Variants in ZNF385D observed in about 807,000 individuals in gnomAD.
ZNF385D encodes the protein zinc finger protein 385D.
In ZNF385D, 15 loss-of-function variants were observed where a neutral mutation model predicts 35.8. The observed-to-expected ratio is 0.42, with a 90% CI of 0.28 to 0.64. The LOEUF (loss-of-function observed/expected upper bound fraction) is 0.64, where lower values mean the gene tolerates loss of function less well. Ranked by LOEUF, ZNF385D falls within the 30% of genes least tolerant of loss-of-function variation. The pLI, the probability that ZNF385D is intolerant of heterozygous loss-of-function variation, is 0.23. For missense variants in ZNF385D, 474 were observed against 494.6 expected, an observed-to-expected ratio of 0.96 and a Z score of 0.39; for synonymous variants, 212 against 186.8, an observed-to-expected ratio of 1.13 and a Z score of -1.10.
intron 1 of ZNF385D, among the ~76,000 whole-genome samples, chr3:21,743,028 C>G (rs56411863): frequency 0.081 from 12,351 of 152,160 alleles, 814 homozygotes; most frequent in East Asian, 0.24. Flanking sequence ...CAAATAGAAC[C>G]GTGAGAAACA....
chr3:21,867,486 T>C (rs1327438126), intron 3 of ZNF385D, among the ~76,000 whole-genome samples: 1 of 152,144 alleles, frequency 6.6e-6, no homozygotes, highest in Non-Finnish European at 1.5e-5. Flanking sequence ...CAGGTTCTCC[T>C]GCTCTCTACC....
At chr3:21,814,030 A>G (rs9840405) in intron 3 of ZNF385D, among the ~76,000 whole-genome samples, 47,726 of 152,112 alleles carry the variant, frequency 0.31, 8,398 homozygotes, top group Non-Finnish European at 0.4. Flanking sequence ...AAGCCAGAAG[A>G]GAGTGGGGGC....
At chr3:21,597,479 T>C (rs965449489) in intron 2 of ZNF385D, among the ~76,000 whole-genome samples, 7 of 151,954 alleles carry the variant, frequency 4.6e-5, no homozygotes, top group Admixed American at 1.3e-4. Flanking sequence ...TGAAATGGCA[T>C]AGGAATTTAT....
intron 2 of ZNF385D, among the ~76,000 whole-genome samples, chr3:22,206,226 A>G (rs1048061316): frequency 5.3e-5 from 8 of 152,048 alleles, no homozygotes; most frequent in Non-Finnish European, 7.4e-5. Flanking sequence ...TATGAAGAGG[A>G]TACAACAATT....
intron 2 of ZNF385D, among the ~76,000 whole-genome samples, chr3:22,310,211 G>A (rs894264676): frequency 1.1e-4 from 16 of 151,946 alleles, no homozygotes; most frequent in Non-Finnish European, 2.2e-4. Context: ...GCATTCAGGC[G>A]TCATGATTAC....
intron 5 of ZNF385D, among the ~76,000 whole-genome samples, chr3:21,426,926 T>C (rs1229675575): frequency 6.6e-6 from 1 of 152,220 alleles, no homozygotes; most frequent in Non-Finnish European, 1.5e-5. Flanking sequence ...ACAACCTAGA[T>C]GGCCTATTTT....
intron 3 of ZNF385D, among the ~76,000 whole-genome samples, chr3:22,146,752 A>C (rs1451973688): frequency 6.6e-6 from 1 of 152,150 alleles, no homozygotes; most frequent in Admixed American, 6.5e-5. Flanking sequence ...AAAATTCATT[A>C]ATCAATAGAA....
chr3:21,922,196 A>T (rs1700498796), intron 3 of ZNF385D, among the ~76,000 whole-genome samples: 1 of 152,228 alleles, frequency 6.6e-6, no homozygotes, highest in Non-Finnish European at 1.5e-5. Flanking sequence ...AATATATTTA[A>T]AATGGCCATA....
chr3:22,039,266 AAAAAAAAG>A (rs1195642859), intron 3 of ZNF385D, among the ~76,000 whole-genome samples: 1 of 149,542 alleles, frequency 6.7e-6, no homozygotes, highest in Non-Finnish European at 1.5e-5. Context: ...AAAAAAAAAA[AAAAAAAAG>A]AGTCTATGTA....
chr3:21,582,791 C>T (rs2063705485), intron 2 of ZNF385D, among the ~76,000 whole-genome samples: 1 of 146,788 alleles, frequency 6.8e-6, no homozygotes, highest in Non-Finnish European at 1.5e-5. Flanking sequence ...ATTCATTTAT[C>T]CTTTGAGATG....
chr3:22,353,188 G>C (rs751646603), intron 2 of ZNF385D, among the ~76,000 whole-genome samples: 6 of 152,192 alleles, frequency 3.9e-5, no homozygotes, highest in Admixed American at 6.5e-5. Flanking sequence ...GCCTGCCAGA[G>C]CTTCTTGCTA....
At chr3:21,833,552 G>C (rs990413846) in intron 3 of ZNF385D, among the ~76,000 whole-genome samples, 3 of 152,180 alleles carry the variant, frequency 2.0e-5, no homozygotes, top group African/African-American at 7.2e-5. Context: ...CCACTCCAGA[G>C]AAAGTGTGGC....
At chr3:21,765,583 A>T (rs938484777) in intron 3 of ZNF385D, among the ~76,000 whole-genome samples, 10 of 152,106 alleles carry the variant, frequency 6.6e-5, no homozygotes, top group Non-Finnish European at 8.8e-5. Context: ...CCCCGGAGCC[A>T]GTAGGTAGTA....
intron 3 of ZNF385D, among the ~76,000 whole-genome samples, chr3:21,772,171 T>C (rs929722824): frequency 3.3e-5 from 5 of 152,028 alleles, no homozygotes; most frequent in South Asian, 2.1e-4. Flanking sequence ...GATTTAGCCA[T>C]GATTTCTTGG....
At chr3:21,978,073 T>C (rs1703748839) in intron 3 of ZNF385D, 1 of 152,192 alleles carries the variant, frequency 6.6e-6, no homozygotes, top group Non-Finnish European at 1.5e-5. Context: ...ATCAGACCAG[T>C]CTTCTCTTCC....
chr3:22,113,526 T>C (rs1057457980), intron 3 of ZNF385D, among the ~76,000 whole-genome samples: 2 of 152,042 alleles, frequency 1.3e-5, no homozygotes, highest in African/African-American at 4.8e-5. Flanking sequence ...AATAAACATA[T>C]TTGTGTAAGT....
chr3:21,878,941 A>G (rs756352421), intron 3 of ZNF385D, among the ~76,000 whole-genome samples: 2 of 152,020 alleles, frequency 1.3e-5, no homozygotes, highest in Non-Finnish European at 2.9e-5. Context: ...CCCTAAAGCT[A>G]TTTTATAAAA....
chr3:22,352,753 C>T (rs1296460810), intron 2 of ZNF385D, among the ~76,000 whole-genome samples: 1 of 152,148 alleles, frequency 6.6e-6, no homozygotes, highest in East Asian at 1.9e-4. Flanking sequence ...AATTTGGAGG[C>T]ATACATAGTT....
chr3:21,816,944 C>G (rs992979563), intron 3 of ZNF385D, among the ~76,000 whole-genome samples: 1 of 152,108 alleles, frequency 6.6e-6, no homozygotes, highest in African/African-American at 2.4e-5. Context: ...TAGTACAAGG[C>G]TACAGTAACC....
Sources: gnomAD v4.1 joint callset for allele counts (sites outside exome capture counted in the v4.1 genomes callset) on GRCh38, gnomAD v4.1.1 for gene constraint, MANE v1.5 for transcripts, NCBI Gene and HGNC (gene_info 2026-07-23, HGNC 2026-07-21) for gene names.